Variants in TARS1 observed in about 807,000 individuals in gnomAD.
The protein encoded by TARS1 is threonyl-tRNA synthetase 1.
Under a neutral mutation model 97.7 loss-of-function variants are expected in TARS1, and 57 were observed. The ratio of observed to expected loss-of-function variants is 0.58; its 90% CI spans 0.47 to 0.73. The LOEUF is 0.73. Ranked by LOEUF, TARS1 falls within the 30% of genes least tolerant of loss-of-function variation. The pLI, the probability that TARS1 is intolerant of heterozygous loss-of-function variation, is 0.00. For missense variants in TARS1, 806 were observed against 888.3 expected (o/e 0.91, Z 1.18); for synonymous variants, 312 against 293.7 (o/e 1.06, Z -0.64).
Position 33,467,779 on chromosome 5 carries a change from T to C in TARS1, c.*71T>C, listed in dbSNP as rs1742612045. 2.0e-6 allele frequency: 3 copies of C among 1,502,662 alleles called. No homozygotes were observed. Among genetic ancestry groups the C allele is most frequent in the Non-Finnish European group, 2.7e-6 (3 of 1,120,198 alleles). 93.1% of individuals were successfully genotyped at this position (1,502,662 alleles called of 1,614,324 possible). A position where few individuals can be genotyped will look rare whatever the true frequency, so the allele number is the denominator to read the frequency against. On this transcript the variant is annotated 3_prime_UTR_variant, in exon 19 of 19. Transcript: ENST00000265112. ...TTTCCGTAAAATTGACTTTGTACTC[T>C]GAAAACGTCAATTTATATTGAACTT... is the stretch of plus-strand genomic sequence containing the variant.
rs373288332 is a variant in TARS1, at chr5:33,459,878, A to T, written c.1250+17A>T. 6.3e-7 allele frequency: 1 copy of T among 1,597,546 alleles called. No homozygotes were observed. The highest frequency in any genetic ancestry group is 1.3e-5 in the African/African-American group (1 of 74,402). ...AGGACACTGGTATTCGGCAGCTTTG[A>T]ATTTCTACTGAAGATTTTCACATGC... On this transcript the variant is annotated intron_variant, in intron 11 of 18. Coordinates refer to ENST00000265112, the MANE Select transcript of TARS1 (RefSeq NM_152295.5).
chr5:33,461,554 A>G (rs1742292094), intron 13 of TARS1, 113 bp from the exon 14 acceptor site: 4 of 1,156,570 alleles, frequency 3.5e-6, no homozygotes, highest in East Asian at 4.9e-5. Flanking sequence ...ACAAAATTCT[A>G]AAGCAGAGAA....
At chr5:33,457,154 G>A in intron 8 of TARS1, 103 bp from the exon 9 acceptor site, 1 of 1,366,534 alleles carries the variant, frequency 7.3e-7, no homozygotes, top group Non-Finnish European at 1.0e-6. Flanking sequence ...TTGTGCTGCA[G>A]AATGAGTAAC....
intron 18 of TARS1, among the ~76,000 whole-genome samples, chr5:33,467,258 T>C (rs1162238926): frequency 6.6e-6 from 1 of 151,956 alleles, no homozygotes; most frequent in Non-Finnish European, 1.5e-5. Flanking sequence ...TTTAAACACA[T>C]CTATTGGATT....
intron 16 of TARS1, 34 bp from the exon 17 acceptor site, chr5:33,463,719 C>T (rs1224070847): frequency 6.4e-7 from 1 of 1,570,300 alleles, no homozygotes; most frequent in Non-Finnish European, 8.7e-7. Flanking sequence ...AATATGCCCA[C>T]ATCTACACTG....
At chr5:33,464,738 C>G (rs1016630092) in intron 17 of TARS1, among the ~76,000 whole-genome samples, 1 of 151,796 alleles carries the variant, frequency 6.6e-6, no homozygotes, top group South Asian at 2.1e-4. Context: ...TGAGTAGCCA[C>G]TGCATTCCAG....
At chr5:33,442,473 T>C (rs1189169437) in intron 1 of TARS1, among the ~76,000 whole-genome samples, 1 of 152,212 alleles carries the variant, frequency 6.6e-6, no homozygotes, top group East Asian at 1.9e-4. Context: ...CAATAGTTAA[T>C]ATTTATTTTG....
At position 33,459,741 on chromosome 5, in the gene TARS1, T is replaced by G; in HGVS notation, c.1130T>G (p.Ile377Ser). The G allele has an allele frequency of 6.2e-7, 1 of 1,614,154 alleles. No homozygotes were observed. The highest frequency in any genetic ancestry group is 1.3e-5 in the African/African-American group (1 of 75,032). ...TTCCAGGAGGTAGTCACCCCAAACA[T>G]CTTCAACAGCCGACTCTGGATGACC... is the stretch of plus-strand genomic sequence containing the variant. ...RGFQEVVTPN[I>S]FNSRLWMTSG... Residue 377 changes from isoleucine (I) to serine (S), a missense_variant, in exon 11 of 19, where the codon ATC (isoleucine) becomes AGC (serine). Ile to Ser is a moderately radical substitution (Grantham distance 142). Coordinates refer to ENST00000265112, the MANE Select transcript of TARS1 (RefSeq NM_152295.5).
chr5:33,454,664 A>G (rs1741925072), intron 4 of TARS1, among the ~76,000 whole-genome samples: 1 of 152,266 alleles, frequency 6.6e-6, no homozygotes, highest in Non-Finnish European at 1.5e-5. Flanking sequence ...TTCAGAGAAC[A>G]AAGTCTATGT....
chr5:33,452,266 G>A (rs1741783268), intron 3 of TARS1: 4 of 1,148,788 alleles, frequency 3.5e-6, no homozygotes, highest in Non-Finnish European at 5.0e-6. Context: ...AGATGTCCAG[G>A]CTGTTATAGA....
chr5:33,463,902 T>C, intron 17 of TARS1, 77 bp downstream of exon 17: 1 of 1,272,092 alleles, frequency 7.9e-7, no homozygotes, highest in Non-Finnish European at 1.1e-6. Flanking sequence ...CCCTGTATTC[T>C]TGGTGAATCG....
At chr5:33,450,714 T>C (rs541788822) in intron 3 of TARS1, among the ~76,000 whole-genome samples, 1 of 152,226 alleles carries the variant, frequency 6.6e-6, no homozygotes, top group East Asian at 1.9e-4. Context: ...AGGCTTCTGT[T>C]AGTTTGGGAA....
At chr5:33,442,431 A>G (rs1361552227) in intron 1 of TARS1, among the ~76,000 whole-genome samples, 2 of 151,494 alleles carry the variant, frequency 1.3e-5, no homozygotes, top group African/African-American at 2.4e-5. Context: ...TGGTTAACAC[A>G]TATGTAATTT....
intron 3 of TARS1, among the ~76,000 whole-genome samples, chr5:33,449,450 T>C (rs1344236256): frequency 1.7e-5 from 2 of 117,292 alleles, no homozygotes; most frequent in African/African-American, 4.0e-5. Flanking sequence ...TCTTTCTTTT[T>C]TTTTTTTTTT....
chr5:33,450,600 G>A (rs911728322), intron 3 of TARS1, among the ~76,000 whole-genome samples: 1 of 152,128 alleles, frequency 6.6e-6, no homozygotes, highest in Non-Finnish European at 1.5e-5. Flanking sequence ...AGACCTTTAC[G>A]TATCAGTTCA....
Position 33,465,257 on chromosome 5 carries a change from T to C in TARS1, c.1908+1432T>C, listed in dbSNP as rs186710661. Among the ~76,000 whole-genome samples, 21 of 152,322 alleles carry C rather than the reference T, an allele frequency of 1.4e-4. 1 individual carries two copies. The highest frequency in any genetic ancestry group is 5.1e-4 in the African/African-American group (21 of 41,576). On this transcript the variant is annotated intron_variant, in intron 17 of 18. Coordinates refer to ENST00000265112, the MANE Select transcript of TARS1 (RefSeq NM_152295.5). The stretch of plus-strand genomic sequence containing the variant: ...TATTTGTATGTGAAAACTCACACAG[T>C]AGGAAGAAGTTCTGTATTGGTTAAC...
In TARS1 at chr5:33,455,655, C is replaced by A. The variant is rs1401162807; in HGVS notation, c.644C>A (p.Ala215Asp). ...LCKKIIKEKQ[A>D]FERLEVKKET... ...AAGAAAATCATTAAAGAAAAACAAG[C>A]TTTTGAAAGACTGGAAGTTAAGAAA... The change falls in exon 6 of 19, where the codon GCT (alanine) becomes GAT (aspartate). Residue 215 changes from alanine (A) to aspartate (D), a missense_variant. Physicochemically the swap from Ala to Asp is moderately radical, Grantham distance 126. This residue lies in a region of TARS1 where 356 missense variants were observed against 357.8 expected (regional missense o/e 0.99). Transcript: ENST00000265112. 3.1e-6 allele frequency: 5 copies of A among 1,612,658 alleles called. No homozygotes were observed. In the South Asian group the frequency reaches 3.3e-5, roughly 11 times the overall value.
rs745942630 is a variant in TARS1, at chr5:33,454,999, G to A, written c.508G>A (p.Gly170Ser). Residue 170 changes from glycine to serine, a missense_variant, in exon 5 of 19, where the codon GGT (glycine) becomes AGT (serine). Gly to Ser is a moderately conservative substitution (Grantham distance 56, BLOSUM62 0). This residue lies in a region of TARS1 where 356 missense variants were observed against 357.8 expected (regional missense o/e 0.99). Coordinates refer to ENST00000265112, the MANE Select transcript of TARS1 (RefSeq NM_152295.5). ...IMGEAMERVYGGCLCYGPPIE... is the reference protein window; with the variant it reads ...IMGEAMERVYSGCLCYGPPIE... ...GGGTGAAGCCATGGAAAGAGTCTAT[G>A]GTGGATGTTTATGCTACGGTCCGCC... The A allele has an allele frequency of 1.9e-6, 3 of 1,613,714 alleles. No individual in the cohort carries two copies. Among genetic ancestry groups the A allele is most frequent in the African/African-American group, 1.3e-5 (1 of 74,844 alleles).
chr5:33,444,333 A>T (rs1197214894), intron 1 of TARS1, among the ~76,000 whole-genome samples: 1 of 152,240 alleles, frequency 6.6e-6, no homozygotes, highest in Non-Finnish European at 1.5e-5. Context: ...AATTGATGGT[A>T]GTGATAGTTG....
Sources: gnomAD v4.1 joint callset for allele counts (sites outside exome capture counted in the v4.1 genomes callset) on GRCh38, gnomAD v4.1.1 for gene constraint, gnomAD v4.1.1 regional missense constraint, MANE v1.5 for transcripts, NCBI Gene and HGNC (gene_info 2026-07-23, HGNC 2026-07-21) for gene names.